Variants in CSMD1 observed in about 807,000 individuals in gnomAD.
CSMD1 encodes CUB and Sushi multiple domains 1.
A neutral mutation model predicts 417.5 loss-of-function variants in CSMD1; 213 were observed. The observed-to-expected ratio is 0.51, with a 90% CI of 0.46 to 0.57. The LOEUF is 0.57. Among genes scored for constraint, CSMD1 ranks in the 20% least tolerant of loss-of-function variants. The pLI, the probability that CSMD1 is intolerant of heterozygous loss-of-function variation, is 0.00. For missense variants in CSMD1, 6,923 were observed against 4,529.7 expected, an observed-to-expected ratio of 1.53 and a Z score of -15.17; for synonymous variants, 2,862 against 1,736.8, an observed-to-expected ratio of 1.65 and a Z score of -16.11.
At chr8:4,680,746 T>A (rs554062703) in intron 1 of CSMD1, among the ~76,000 whole-genome samples, 1 of 152,034 alleles carries the variant, frequency 6.6e-6, no homozygotes, top group East Asian at 1.9e-4. Context: ...CACCCAGCTA[T>A]TTTTTGTATT....
chr8:3,048,285 T>A (rs1811589450), intron 50 of CSMD1, among the ~76,000 whole-genome samples: 1 of 152,162 alleles, frequency 6.6e-6, no homozygotes, highest in Non-Finnish European at 1.5e-5. Flanking sequence ...TACCAAATTA[T>A]ATTAAATACA....
At chr8:4,077,587 C>T (rs1191077816) in intron 3 of CSMD1, among the ~76,000 whole-genome samples, 1 of 151,964 alleles carries the variant, frequency 6.6e-6, no homozygotes, top group Non-Finnish European at 1.5e-5. Context: ...CTATCAAATT[C>T]CTCCTGCTGT....
chr8:3,095,248 AAC>A (rs762799803), intron 47 of CSMD1, among the ~76,000 whole-genome samples: 3 of 152,148 alleles, frequency 2.0e-5, no homozygotes, highest in East Asian at 1.9e-4. Context: ...CACAAACACA[AAC>A]ACAGACATAC....
At position 3,290,873 on chromosome 8, in the gene CSMD1, G is replaced by T. The variant is rs375790047; in HGVS notation, c.3951-6527C>A. 7.2e-4 allele frequency among the ~76,000 whole-genome samples: 110 copies of T among 152,078 alleles called. 3 individuals carry two copies. In the East Asian group the frequency reaches 0.014, roughly 19 times the overall value. On this transcript the variant is annotated intron_variant, in intron 25 of 69. Coordinates refer to ENST00000635120, the MANE Select transcript of CSMD1 (RefSeq NM_033225.6). ...ACTTCCAACACTATATTGAATAGGA[G>T]TGGTGAGAGAGGGCATCCTGGTCTT...
chr8:4,700,986 GT>G (rs758232413), intron 1 of CSMD1, among the ~76,000 whole-genome samples: 1 of 152,166 alleles, frequency 6.6e-6, no homozygotes, highest in African/African-American at 2.4e-5. Context: ...CTAATAATAA[GT>G]GAGTTTAGGA....
At chr8:3,225,498 C>T (rs1798447172) in intron 27 of CSMD1, among the ~76,000 whole-genome samples, 1 of 151,710 alleles carries the variant, frequency 6.6e-6, no homozygotes, top group Non-Finnish European at 1.5e-5. Flanking sequence ...CAGCATCGAG[C>T]AGTACAAGCG....
chr8:3,940,581 G>A, intron 5 of CSMD1, among the ~76,000 whole-genome samples: 1 of 149,002 alleles, frequency 6.7e-6, no homozygotes, highest in East Asian at 2.0e-4. Context: ...AGGTATTCAA[G>A]AACAACAACA....
intron 42 of CSMD1, among the ~76,000 whole-genome samples, chr8:3,116,612 G>A (rs1486049081): frequency 6.6e-6 from 1 of 152,080 alleles, no homozygotes; most frequent in Non-Finnish European, 1.5e-5. Context: ...AAAGGTGGCA[G>A]GCATCACTTT....
intron 2 of CSMD1, among the ~76,000 whole-genome samples, chr8:4,426,089 A>C (rs928669189): frequency 1.6e-5 from 2 of 122,330 alleles, no homozygotes; most frequent in African/African-American, 4.2e-5. Context: ...AATTATTTTG[A>C]AAAAAAAAAA....
At chr8:4,546,160 C>T (rs892662711) in intron 2 of CSMD1, among the ~76,000 whole-genome samples, 2 of 152,198 alleles carry the variant, frequency 1.3e-5, no homozygotes, top group Admixed American at 6.5e-5. Context: ...ATCCAATGAA[C>T]ATTTTTCAGT....
intron 10 of CSMD1, among the ~76,000 whole-genome samples, chr8:3,532,316 C>G (rs575331474): frequency 6.6e-6 from 1 of 152,170 alleles, no homozygotes; most frequent in African/African-American, 2.4e-5. Flanking sequence ...TCTGGGACAT[C>G]AGCCAGGGTT....
chr8:4,613,310 G>C (rs536885257), intron 2 of CSMD1, among the ~76,000 whole-genome samples: 3 of 152,300 alleles, frequency 2.0e-5, no homozygotes, highest in East Asian at 1.9e-4. Flanking sequence ...TTGCACTAGA[G>C]TAGACACCAC....
chr8:3,899,804 T>G (rs1158140790), intron 5 of CSMD1, among the ~76,000 whole-genome samples: 1 of 152,170 alleles, frequency 6.6e-6, no homozygotes, highest in African/African-American at 2.4e-5. Context: ...TGACAGTGGA[T>G]AGCACCCTTC....
chr8:4,404,333 C>G (rs764313665), intron 3 of CSMD1, among the ~76,000 whole-genome samples: 1 of 152,128 alleles, frequency 6.6e-6, no homozygotes, highest in South Asian at 2.1e-4. Context: ...GCTTTCTCCA[C>G]TGGAATTAAG....
At chr8:4,639,408 T>G (rs1803059213) in intron 1 of CSMD1, among the ~76,000 whole-genome samples, 1 of 152,184 alleles carries the variant, frequency 6.6e-6, no homozygotes, top group South Asian at 2.1e-4. Context: ...TCTGCTCATG[T>G]ACCCTGTAAA....
At chr8:4,029,775 G>A (rs1797247124) in intron 4 of CSMD1, among the ~76,000 whole-genome samples, 1 of 152,110 alleles carries the variant, frequency 6.6e-6, no homozygotes, top group Non-Finnish European at 1.5e-5. Flanking sequence ...ACTCTTATCT[G>A]AGACAAAACA....
intron 1 of CSMD1, among the ~76,000 whole-genome samples, chr8:4,711,273 A>G (rs1262857057): frequency 6.6e-6 from 1 of 152,178 alleles, no homozygotes; most frequent in Non-Finnish European, 1.5e-5. Context: ...CTTATAAAAG[A>G]GCACTTGTTT....
intron 7 of CSMD1, among the ~76,000 whole-genome samples, chr8:3,698,784 A>C (rs1011093706): frequency 6.6e-6 from 1 of 152,230 alleles, no homozygotes; most frequent in Non-Finnish European, 1.5e-5. Flanking sequence ...AATAGAGTGA[A>C]AATGTATCTG....
At chr8:4,488,417 C>T (rs1043070940) in intron 2 of CSMD1, among the ~76,000 whole-genome samples, 2 of 152,008 alleles carry the variant, frequency 1.3e-5, no homozygotes, top group Non-Finnish European at 2.9e-5. Flanking sequence ...ATCTCGTTGC[C>T]TCTGTTTTAC....
Sources: gnomAD v4.1 joint callset for allele counts (sites outside exome capture counted in the v4.1 genomes callset) on GRCh38, gnomAD v4.1.1 for gene constraint, MANE v1.5 for transcripts, NCBI Gene and HGNC (gene_info 2026-07-23, HGNC 2026-07-21) for gene names.